WASHC3: variants seen among roughly 807,000 people sequenced by gnomAD.
WASHC3 encodes WASH complex subunit CCDC53.
In WASHC3, 24 loss-of-function variants were observed where a neutral mutation model predicts 26.1. That is an observed-to-expected ratio of 0.92 (90% confidence interval 0.66 to 1.29). WASHC3 has a LOEUF of 1.29. Among genes scored for constraint, WASHC3 ranks in the 50% most tolerant of loss-of-function variants. WASHC3 has a pLI of 0.00. For synonymous variants in WASHC3, 77 were observed against 75.7 expected, an observed-to-expected ratio of 1.02 and a Z score of -0.09; for missense variants, 214 against 229.6, an observed-to-expected ratio of 0.93 and a Z score of 0.44.
Position 102,060,956 on chromosome 12 carries a change from C to CAAAAAAA in WASHC3, c.150+285_150+291dup, listed in dbSNP as rs56001519. Among the ~76,000 whole-genome samples, 157 of 55,614 alleles carry CAAAAAAA rather than the reference C, an allele frequency of 2.8e-3. 12 individuals carry two copies. The highest frequency in any genetic ancestry group is 0.015 in the East Asian group (27 of 1,806). The allele number at this position is 55,614 out of a possible 152,430, so 36.5% of individuals were successfully genotyped here. A position where few individuals can be genotyped will look rare whatever the true frequency, so the allele number is the denominator to read the frequency against. ...GGTGACAGAGTGAGACCCTGTCTCA[C>CAAAAAAA]AAAAAAAAAAAAAAAAAAAAAAAAA... is the stretch of plus-strand genomic sequence containing the variant. On this transcript the variant is annotated intron_variant, in intron 2 of 6. Transcript: ENST00000240079.
chr12:102,027,521 G>C (rs972092449), intron 5 of WASHC3, among the ~76,000 whole-genome samples: 9 of 152,004 alleles, frequency 5.9e-5, no homozygotes, highest in African/African-American at 2.2e-4. Flanking sequence ...CACAGATCTT[G>C]CCAAATTAAG....
At chr12:102,028,307 TA>T (rs1354355885) in intron 5 of WASHC3, among the ~76,000 whole-genome samples, 1 of 152,152 alleles carries the variant, frequency 6.6e-6, no homozygotes, top group Non-Finnish European at 1.5e-5. Context: ...ACTTGATAAT[TA>T]AATCTCATTC....
Position 102,061,899 on chromosome 12 carries a change from G to A in WASHC3, c.51+13C>T. On this transcript the variant is annotated intron_variant, in intron 1 of 6. Coordinates refer to ENST00000240079, the MANE Select transcript of WASHC3 (RefSeq NM_016053.4). ...CCCGGCTCGTCGGGAGTCTAGCACC[G>A]TCTTTTACAAACCTTGGTCAGGTCT... 6.3e-7 allele frequency: 1 copy of A among 1,592,564 alleles called. No homozygotes were observed. The highest frequency in any genetic ancestry group is 8.6e-7 in the Non-Finnish European group (1 of 1,168,318).
chr12:102,034,146 T>C (rs551630631), intron 5 of WASHC3, among the ~76,000 whole-genome samples: 1 of 152,232 alleles, frequency 6.6e-6, no homozygotes, highest in African/African-American at 2.4e-5. Context: ...TCAAATTTGC[T>C]TTTTTATCTA....
intron 4 of WASHC3, 161 bp from the exon 5 acceptor site, chr12:102,040,139 C>T (rs574134518): frequency 4.3e-5 from 16 of 372,616 alleles, no homozygotes; most frequent in African/African-American, 3.1e-4. Flanking sequence ...AGATATGTTT[C>T]CAAATATCTA....
At chr12:102,039,698 CTT>C (rs878856548) in intron 5 of WASHC3, among the ~76,000 whole-genome samples, 168 bp downstream of exon 5, 3 of 140,876 alleles carry the variant, frequency 2.1e-5, no homozygotes. Context: ...ATTTGACTTC[CTT>C]TTTTTTTTTT....
intron 4 of WASHC3, among the ~76,000 whole-genome samples, chr12:102,043,078 T>C (rs1878006439): frequency 6.6e-6 from 1 of 152,138 alleles, no homozygotes; most frequent in Admixed American, 6.5e-5. Context: ...CTAAGATCAG[T>C]AGCTCTCAAA....
At chr12:102,048,624 C>T (rs1878262256) in intron 2 of WASHC3, among the ~76,000 whole-genome samples, 1 of 138,286 alleles carries the variant, frequency 7.2e-6, no homozygotes, top group African/African-American at 2.9e-5. Flanking sequence ...AAGACTGTCA[C>T]CAATAGAAAT....
intron 2 of WASHC3, among the ~76,000 whole-genome samples, chr12:102,054,858 A>C (rs963530580): frequency 2.6e-5 from 4 of 152,234 alleles, no homozygotes; most frequent in African/African-American, 7.2e-5. Context: ...ATTTTGAGAC[A>C]AATGAAAATG....
chr12:102,018,450 A>C (rs76164489), intron 6 of WASHC3, among the ~76,000 whole-genome samples: 1 of 152,110 alleles, frequency 6.6e-6, no homozygotes, highest in Non-Finnish European at 1.5e-5. Context: ...ATTTCTTCAT[A>C]TCCTTACCAG....
chr12:102,054,019 T>C (rs1438456731), intron 2 of WASHC3, among the ~76,000 whole-genome samples: 1 of 152,204 alleles, frequency 6.6e-6, no homozygotes, highest in Non-Finnish European at 1.5e-5. Flanking sequence ...CAGTTTAAAA[T>C]AGCCTGTTAT....
chr12:102,057,383 T>C (rs1878632102), intron 2 of WASHC3, among the ~76,000 whole-genome samples: 1 of 152,078 alleles, frequency 6.6e-6, no homozygotes, highest in Admixed American at 6.6e-5. Flanking sequence ...TCTTACCCCT[T>C]CTATTCAACA....
In WASHC3 at chr12:102,013,129, G is replaced by A. The variant is rs575919328; in HGVS notation, c.564C>T (p.Ser188=). Residue 188 remains serine, a synonymous_variant, in exon 7 of 7, where the codon AGC becomes AGT. Transcript: ENST00000240079. ...SEKTVEESSD[S]ESSFSD is the part of the protein sequence containing the mutation. The stretch of plus-strand genomic sequence containing the variant: ...AAGCTTAATCACTAAAAGAAGATTC[G>A]CTATCTGAACTTTCTTCTACAGTTT... 32 of 1,517,896 alleles carry A rather than the reference G, an allele frequency of 2.1e-5. No individual in the cohort carries two copies. The highest frequency in any genetic ancestry group is 4.1e-5 in the African/African-American group (3 of 72,718). 94.0% of individuals were successfully genotyped at this position (1,517,896 alleles called of 1,614,324 possible). A position where few individuals can be genotyped will look rare whatever the true frequency, so the allele number is the denominator to read the frequency against.
intron 5 of WASHC3, among the ~76,000 whole-genome samples, chr12:102,033,998 T>C (rs542255735): frequency 6.6e-6 from 1 of 152,142 alleles, no homozygotes; most frequent in East Asian, 1.9e-4. Context: ...ACCCCTAAAG[T>C]TGAGAAAAAT....
chr12:102,024,990 A>C (rs908275251), intron 6 of WASHC3, among the ~76,000 whole-genome samples: 1 of 152,186 alleles, frequency 6.6e-6, no homozygotes, highest in Non-Finnish European at 1.5e-5. Flanking sequence ...GATGTATGCC[A>C]AATGTAGATA....
chr12:102,035,904 G>A (rs1877635678), intron 5 of WASHC3, among the ~76,000 whole-genome samples: 1 of 152,184 alleles, frequency 6.6e-6, no homozygotes, highest in Admixed American at 6.5e-5. Flanking sequence ...TACGTGTGTT[G>A]GTGGGTTTAG....
Position 102,046,128 on chromosome 12 carries a change from G to GA in WASHC3, c.151-10dup. The GA allele has an allele frequency of 6.6e-7, 1 of 1,524,750 alleles. No individual in the cohort carries two copies. The highest frequency in any genetic ancestry group is 9.0e-7 in the Non-Finnish European group (1 of 1,109,516). The allele number at this position is 1,524,750 out of a possible 1,614,324, so 94.5% of individuals were successfully genotyped here. A position where few individuals can be genotyped will look rare whatever the true frequency, so the allele number is the denominator to read the frequency against. ...GAAAGGTCTGCCAGTTTCTGTAAAA[G>GA]AAAAATTAGAGACATAAAGACTTTA... On this transcript the variant is annotated splice_polypyrimidine_tract_variant and intron_variant, in intron 2 of 6. Transcript: ENST00000240079.
intron 5 of WASHC3, among the ~76,000 whole-genome samples, chr12:102,039,480 C>G (rs531322154): frequency 6.6e-6 from 1 of 152,056 alleles, no homozygotes; most frequent in Non-Finnish European, 1.5e-5. Context: ...GCCAAGAGAT[C>G]ATTGATAAAC....
chr12:102,041,451 T>C (rs915371188), intron 4 of WASHC3, among the ~76,000 whole-genome samples: 2 of 152,048 alleles, frequency 1.3e-5, no homozygotes, highest in African/African-American at 4.8e-5. Flanking sequence ...TCTGCACAAT[T>C]GGATATTCTA....
Sources: allele counts gnomAD v4.1 joint callset (sites outside exome capture counted in the v4.1 genomes callset), GRCh38; gene constraint gnomAD v4.1.1; transcripts MANE v1.5; gene names NCBI Gene and HGNC (gene_info 2026-07-23, HGNC 2026-07-21).